The following SH3PXD2A variants were observed in gnomAD, a reference collection of about 807,000 sequenced individuals.
SH3PXD2A encodes SH3 and PX domains 2A.
SH3PXD2A carries 32 observed loss-of-function variants against 115.2 expected under a neutral mutation model. That is an observed-to-expected ratio of 0.28 (90% CI 0.21 to 0.37). The LOEUF (loss-of-function observed/expected upper bound fraction) is 0.37. SH3PXD2A is among the 10% of genes least tolerant of loss of function. The pLI is 1.00. For missense variants in SH3PXD2A, 1,328 were observed against 1,498.7 expected (o/e 0.89, Z 1.88); for synonymous variants, 610 against 629.1 (o/e 0.97, Z 0.45).
chr10:103,770,476 C>G (rs964821300), intron 2 of SH3PXD2A, among the ~76,000 whole-genome samples: 5 of 152,258 alleles, frequency 3.3e-5, no homozygotes, highest in Non-Finnish European at 4.4e-5. Context: ...ACTGACATTA[C>G]AGGTGTGAGC....
chr10:103,688,202 CT>C (rs2037704172), intron 6 of SH3PXD2A, among the ~76,000 whole-genome samples: 1 of 152,226 alleles, frequency 6.6e-6, no homozygotes. Flanking sequence ...CCGCTCTCTG[CT>C]CCCAAACCAG....
intron 6 of SH3PXD2A, among the ~76,000 whole-genome samples, chr10:103,669,494 C>T (rs542324859): frequency 5.2e-4 from 79 of 152,310 alleles, no homozygotes; most frequent in Non-Finnish European, 8.5e-4. Flanking sequence ...CAATGGTTTG[C>T]GTATTTCTAG....
chr10:103,801,382 G>C lies in SH3PXD2A; in HGVS notation c.73-20C>G. On this transcript the variant is annotated intron_variant, in intron 1 of 14. Coordinates refer to ENST00000369774, the MANE Select transcript of SH3PXD2A (RefSeq NM_001394015.1). ...GTATACCTGTGGGAAAAAGGTAAGA[G>C]CAGGTGAGCAAGGCTGGATTTCAAG... 3 of 1,508,406 alleles carry C rather than the reference G, an allele frequency of 2.0e-6. No homozygotes were observed. Among genetic ancestry groups the C allele is most frequent in the Non-Finnish European group, 2.8e-6 (3 of 1,084,030 alleles). The allele number at this position is 1,508,406 out of a possible 1,614,324, so 93.4% of individuals were successfully genotyped here. A position where few individuals can be genotyped will look rare whatever the true frequency, so the allele number is the denominator to read the frequency against.
At chr10:103,645,251 G>A (rs745460284) in intron 8 of SH3PXD2A, among the ~76,000 whole-genome samples, 4 of 152,186 alleles carry the variant, frequency 2.6e-5, no homozygotes, top group South Asian at 2.1e-4. Context: ...GGGCCAATGC[G>A]GGATCAGCAC....
intron 6 of SH3PXD2A, among the ~76,000 whole-genome samples, chr10:103,678,474 C>T (rs1241836173): frequency 6.6e-6 from 1 of 152,228 alleles, no homozygotes. Context: ...CACCACAGCT[C>T]GGCGGCTCTG....
At chr10:103,726,099 C>A (rs1425021358) in intron 4 of SH3PXD2A, among the ~76,000 whole-genome samples, 1 of 152,114 alleles carries the variant, frequency 6.6e-6, no homozygotes, top group East Asian at 1.9e-4. Context: ...CAAAGCAGAG[C>A]TGAGGGACGG....
At chr10:103,685,275 G>A (rs2037662735) in intron 6 of SH3PXD2A, among the ~76,000 whole-genome samples, 1 of 142,078 alleles carries the variant, frequency 7.0e-6, no homozygotes, top group Non-Finnish European at 1.5e-5. Flanking sequence ...GGAGGTGGAG[G>A]TTGCAGTGAG....
intron 8 of SH3PXD2A, among the ~76,000 whole-genome samples, chr10:103,634,766 C>T (rs958367508): frequency 1.3e-5 from 2 of 152,142 alleles, no homozygotes; most frequent in South Asian, 2.1e-4. Context: ...TAGGGGTATT[C>T]AGTCAGAAAG....
chr10:103,663,869 C>A (rs2037347216), intron 7 of SH3PXD2A, among the ~76,000 whole-genome samples: 1 of 152,244 alleles, frequency 6.6e-6, no homozygotes, highest in Non-Finnish European at 1.5e-5. Flanking sequence ...CAGAAGGGAC[C>A]CTGCACAGCT....
intron 1 of SH3PXD2A, among the ~76,000 whole-genome samples, chr10:103,851,461 T>G (rs889467431): frequency 1.3e-5 from 2 of 152,148 alleles, no homozygotes; most frequent in East Asian, 3.9e-4. Flanking sequence ...TCTGTCACCA[T>G]GGAACAGGGC....
At chr10:103,775,594 T>C (rs1403441596) in intron 2 of SH3PXD2A, among the ~76,000 whole-genome samples, 1 of 152,286 alleles carries the variant, frequency 6.6e-6, no homozygotes, top group South Asian at 2.1e-4. Flanking sequence ...CCTGTCAGGA[T>C]TGCTACAGGA....
chr10:103,785,147 T>A (rs1392270617), intron 2 of SH3PXD2A, among the ~76,000 whole-genome samples: 2 of 152,192 alleles, frequency 1.3e-5, no homozygotes, highest in Non-Finnish European at 2.9e-5. Flanking sequence ...CCCAAGCCTG[T>A]TCCTGACACC....
chr10:103,685,337 C>CAAAA (rs775424414), intron 6 of SH3PXD2A, among the ~76,000 whole-genome samples: 19 of 56,348 alleles, frequency 3.4e-4, no homozygotes, highest in East Asian at 5.6e-4. Context: ...AACTCTGTCT[C>CAAAA]AAAAAAAAAA....
rs1592290195 is a variant in SH3PXD2A, at chr10:103,665,624, C to T, written c.472+2984G>A. Among the ~76,000 whole-genome samples, 3 of 152,280 alleles carry T rather than the reference C, an allele frequency of 2.0e-5. No individual in the cohort carries two copies. The highest frequency in any genetic ancestry group is 7.2e-5 in the African/African-American group (3 of 41,566). On this transcript the variant is annotated intron_variant, in intron 7 of 14. Transcript: ENST00000369774. This position sits in a 1 kb window ranked among gnomAD's most constrained non-coding sequence, Gnocchi z 4.0. Reference sequence around the variant, plus strand: ...GCTGCCTCTTAGGGTGTTCCCTGGCCAGGGCAGCCGGGCGGGCGGGAGCTG... The same window carrying T: ...GCTGCCTCTTAGGGTGTTCCCTGGCTAGGGCAGCCGGGCGGGCGGGAGCTG...
At position 103,596,663 on chromosome 10, in the gene SH3PXD2A, A is replaced by ACACACACACTCTCT; in HGVS notation, c.*5152_*5153insAGAGAGTGTGTGTG. ...CACACACACACACACACACACACAC[A>ACACACACACTCTCT]CTCTCTCTCTCTCTCTCTCTCTCAC... is the stretch of plus-strand genomic sequence containing the variant. On this transcript the variant is annotated 3_prime_UTR_variant, in exon 15 of 15. Transcript: ENST00000369774. 5.5e-4 allele frequency: 68 copies of ACACACACACTCTCT among 124,510 alleles called. No individual in the cohort carries two copies. Among genetic ancestry groups the ACACACACACTCTCT allele is most frequent in the African/African-American group, 1.1e-3 (36 of 31,752 alleles). 7.7% of individuals were successfully genotyped at this position (124,510 alleles called of 1,614,324 possible). A position where few individuals can be genotyped will look rare whatever the true frequency, so the allele number is the denominator to read the frequency against.
intron 1 of SH3PXD2A, among the ~76,000 whole-genome samples, chr10:103,808,209 C>T (rs2039226768): frequency 6.6e-6 from 1 of 152,094 alleles, no homozygotes; most frequent in South Asian, 2.1e-4. Context: ...CACTGCACAC[C>T]ACCGGGAAGC....
intron 3 of SH3PXD2A, among the ~76,000 whole-genome samples, chr10:103,739,127 G>A (rs2038414905): frequency 6.6e-6 from 1 of 152,202 alleles, no homozygotes; most frequent in African/African-American, 2.4e-5. Flanking sequence ...GAGATCCAGA[G>A]AAGGGAGGGA....
At chr10:103,801,030 G>A (rs1356912196) in intron 2 of SH3PXD2A, among the ~76,000 whole-genome samples, 1 of 152,132 alleles carries the variant, frequency 6.6e-6, no homozygotes, top group African/African-American at 2.4e-5. Context: ...TACCCTGCAG[G>A]CAAGGGAGGG....
intron 7 of SH3PXD2A, chr10:103,661,841 G>T: frequency 2.0e-6 from 2 of 985,062 alleles, no homozygotes; most frequent in Non-Finnish European, 1.2e-6. Flanking sequence ...GGGGGAGGAG[G>T]CCTAGACTGT....
Sources: gnomAD v4.1 joint callset for allele counts (sites outside exome capture counted in the v4.1 genomes callset) on GRCh38, gnomAD v4.1.1 for gene constraint, Gnocchi (gnomAD v3.1) non-coding constraint, MANE v1.5 for transcripts, NCBI Gene and HGNC (gene_info 2026-07-23, HGNC 2026-07-21) for gene names.